Variants in CCDC3 observed in about 807,000 individuals in gnomAD.
CCDC3 encodes the protein coiled-coil domain containing 3.
In CCDC3, 24 loss-of-function variants were observed where a neutral mutation model predicts 21.4. That is an observed-to-expected ratio of 1.12 (90% CI 0.81 to 1.58). CCDC3 has a LOEUF of 1.58. Among genes scored for constraint, CCDC3 ranks in the 40% most tolerant of loss-of-function variants. The probability of loss-of-function intolerance (pLI) is 0.00; values close to 1 mark genes in which losing one functional copy is unlikely to be tolerated. For missense variants in CCDC3, 425 were observed against 360.9 expected, an observed-to-expected ratio of 1.18 and a Z score of -1.44; for synonymous variants, 186 against 166.0, an observed-to-expected ratio of 1.12 and a Z score of -0.93.
intron 4 of CCDC3, among the ~76,000 whole-genome samples, chr10:13,073,375 A>G (rs1206117594): frequency 7.2e-6 from 1 of 138,958 alleles, no homozygotes; most frequent in African/African-American, 2.5e-5. Context: ...TGGAAGATGC[A>G]CAGACACAGG....
At chr10:12,985,567 C>A (rs769319101) in intron 2 of CCDC3, among the ~76,000 whole-genome samples, 11 of 150,872 alleles carry the variant, frequency 7.3e-5, no homozygotes, top group Admixed American at 2.6e-4. Context: ...ATCAGCGGTG[C>A]ATCTACACCA....
chr10:12,981,305 G>A (rs1211567002), intron 2 of CCDC3, among the ~76,000 whole-genome samples: 8 of 149,624 alleles, frequency 5.3e-5, no homozygotes, highest in East Asian at 2.0e-4. Flanking sequence ...TCAGCCTCCC[G>A]AGTAGGTAGA....
chr10:12,960,168 A>ACACACAC (rs1554756648), intron 2 of CCDC3, among the ~76,000 whole-genome samples: 3 of 148,746 alleles, frequency 2.0e-5, no homozygotes, highest in African/African-American at 5.0e-5. Context: ...ACACACACAC[A>ACACACAC]ACACACACAC....
intron 4 of CCDC3, among the ~76,000 whole-genome samples, chr10:13,072,645 A>C (rs1836896991): frequency 6.6e-6 from 1 of 150,802 alleles, no homozygotes; most frequent in African/African-American, 2.4e-5. Flanking sequence ...GAGGCCTGTT[A>C]ATAGGACTCC....
intron 3 of CCDC3, among the ~76,000 whole-genome samples, chr10:13,078,265 A>G (rs892837881): frequency 6.6e-6 from 1 of 152,230 alleles, no homozygotes; most frequent in African/African-American, 2.4e-5. Context: ...AAAAATGCTC[A>G]TCATCACTGG....
At chr10:12,962,213 T>C (rs10508451) in intron 2 of CCDC3, among the ~76,000 whole-genome samples, 79,258 of 152,078 alleles carry the variant, frequency 0.52, 23,092 homozygotes, top group Non-Finnish European at 0.65. Context: ...CTGAAAGTAA[T>C]TGGCTTTGCA....
chr10:12,947,338 TG>T (rs767396060), intron 2 of CCDC3, among the ~76,000 whole-genome samples: 11 of 152,026 alleles, frequency 7.2e-5, no homozygotes, highest in Non-Finnish European at 1.5e-4. Flanking sequence ...AGTGGAGACA[TG>T]GTTTCACCAT....
At chr10:13,018,182 G>C (rs920314980) in intron 5 of CCDC3, among the ~76,000 whole-genome samples, 5 of 152,016 alleles carry the variant, frequency 3.3e-5, no homozygotes, top group Admixed American at 1.3e-4. Flanking sequence ...AGGTTTCCCT[G>C]AGATGTTGTC....
chr10:12,933,824 G>C (rs1834691687), intron 2 of CCDC3, among the ~76,000 whole-genome samples: 1 of 152,110 alleles, frequency 6.6e-6, no homozygotes, highest in African/African-American at 2.4e-5. Flanking sequence ...TTTCATATTT[G>C]ATAGTAAATA....
At chr10:12,994,473 G>T (rs1835729358) in intron 2 of CCDC3, among the ~76,000 whole-genome samples, 1 of 151,732 alleles carries the variant, frequency 6.6e-6, no homozygotes, top group South Asian at 2.1e-4. Context: ...GAGCACATGG[G>T]ATGCCTGCAG....
chr10:13,039,422 C>CA (rs5783301), intron 5 of CCDC3, among the ~76,000 whole-genome samples: 48,149 of 137,434 alleles, frequency 0.35, 7,873 homozygotes, highest in East Asian at 0.49. Flanking sequence ...GACTCTGTCT[C>CA]AAAAAAAAAA....
intron 2 of CCDC3, among the ~76,000 whole-genome samples, chr10:12,927,105 T>C (rs1834554799): frequency 6.6e-6 from 1 of 152,136 alleles, no homozygotes; most frequent in African/African-American, 2.4e-5. Flanking sequence ...CCATCTCCCC[T>C]GCCAAAAAGA....
intron 2 of CCDC3, among the ~76,000 whole-genome samples, chr10:12,953,952 C>A (rs1835046032): frequency 6.6e-6 from 1 of 152,192 alleles, no homozygotes; most frequent in Admixed American, 6.5e-5. Context: ...CAAAGGCAGC[C>A]ACTGACAAGG....
intron 2 of CCDC3, among the ~76,000 whole-genome samples, chr10:12,984,706 T>C (rs1835560598): frequency 6.6e-6 from 1 of 152,336 alleles, no homozygotes; most frequent in East Asian, 1.9e-4. Flanking sequence ...TGAAATATTA[T>C]TCAGCCATAA....
At chr10:13,083,540 A>G in intron 3 of CCDC3, among the ~76,000 whole-genome samples, 1 of 152,198 alleles carries the variant, frequency 6.6e-6, no homozygotes. Context: ...GTAGCTGTTA[A>G]ATGTGCTCAC....
At chr10:13,007,738 A>G (rs577059580) in intron 5 of CCDC3, among the ~76,000 whole-genome samples, 7 of 152,176 alleles carry the variant, frequency 4.6e-5, no homozygotes, top group Non-Finnish European at 1.0e-4. Flanking sequence ...TTAAAATCCT[A>G]ATACAAAATA....
At chr10:13,070,522 C>T (rs925898559) in intron 4 of CCDC3, among the ~76,000 whole-genome samples, 1 of 152,196 alleles carries the variant, frequency 6.6e-6, no homozygotes, top group Non-Finnish European at 1.5e-5. Context: ...CGTACACAGT[C>T]CCCATACAGG....
At chr10:13,038,447 C>G (rs1245309293) in intron 5 of CCDC3, among the ~76,000 whole-genome samples, 1 of 151,230 alleles carries the variant, frequency 6.6e-6, no homozygotes, top group East Asian at 1.9e-4. Flanking sequence ...GAAAGAGCAG[C>G]CTAGGGCTGT....
chr10:12,994,094 A>G (rs951606646), intron 2 of CCDC3, among the ~76,000 whole-genome samples: 4 of 152,138 alleles, frequency 2.6e-5, no homozygotes, highest in Non-Finnish European at 5.9e-5. Flanking sequence ...CTTAAAGAAC[A>G]GCAGCATCAA....
Sources: gnomAD v4.1 joint callset for allele counts (sites outside exome capture counted in the v4.1 genomes callset) on GRCh38, gnomAD v4.1.1 for gene constraint, MANE v1.5 for transcripts, NCBI Gene and HGNC (gene_info 2026-07-23, HGNC 2026-07-21) for gene names.